Variants in KSR2 observed in about 807,000 individuals in gnomAD.
The protein encoded by KSR2 is kinase suppressor of ras 2.
A neutral mutation model predicts 107.8 loss-of-function variants in KSR2; 25 were observed. That is an observed-to-expected ratio of 0.23 (90% CI 0.17 to 0.32). The LOEUF (loss-of-function observed/expected upper bound fraction) is 0.32, where lower values mean the gene tolerates loss of function less well. Among genes scored for constraint, KSR2 ranks in the 10% least tolerant of loss-of-function variants. The pLI is 1.00. For synonymous variants in KSR2, 480 were observed against 507.0 expected (o/e 0.95, Z 0.71); for missense variants, 887 against 1,268.9 (o/e 0.70, Z 4.57).
In KSR2 at chr12:117,467,188, A is replaced by C. The variant is rs1410507724; in HGVS notation, c.*11T>G. 2 of 724,684 alleles carry C rather than the reference A, an allele frequency of 2.8e-6. No individual in the cohort carries two copies. Among genetic ancestry groups the C allele is most frequent in the African/African-American group, 3.6e-5 (2 of 55,630 alleles). The allele number at this position is 724,684 out of a possible 1,614,324, so 44.9% of individuals were successfully genotyped here. On this transcript the variant is annotated 3_prime_UTR_variant, in exon 20 of 20. Coordinates refer to ENST00000339824, the MANE Select transcript of KSR2 (RefSeq NM_173598.6). Reference sequence around the variant, plus strand: ...GCCCAGGCAGCTGGGCGCCGTCCCGATGTCCAAAGGTCACAGCCTGGAGTG... The same window carrying C: ...GCCCAGGCAGCTGGGCGCCGTCCCGCTGTCCAAAGGTCACAGCCTGGAGTG...
chr12:117,660,458 T>C (rs1461418372), intron 5 of KSR2, among the ~76,000 whole-genome samples: 2 of 152,186 alleles, frequency 1.3e-5, no homozygotes, highest in African/African-American at 4.8e-5. Context: ...CCAATCTCTG[T>C]CCCTATCTTT....
At chr12:117,926,460 G>A (rs1336382488) in intron 1 of KSR2, among the ~76,000 whole-genome samples, 2 of 152,236 alleles carry the variant, frequency 1.3e-5, no homozygotes, top group African/African-American at 4.8e-5. Flanking sequence ...TGCTCTGGAG[G>A]TGAATTGCAA....
chr12:117,897,089 C>T lies in KSR2; in HGVS notation c.181-36658G>A, dbSNP rs2137379226. 6.6e-6 allele frequency among the ~76,000 whole-genome samples: 1 copy of T among 152,260 alleles called. No homozygotes were observed. The highest frequency in any genetic ancestry group is 1.5e-5 in the Non-Finnish European group (1 of 68,026). Reference sequence around the variant, plus strand: ...TTCCTCTCTGCCCTGTTCCTCTTCGCCCAAGTCTACCGGGACTGATGTTCA... The same window carrying T: ...TTCCTCTCTGCCCTGTTCCTCTTCGTCCAAGTCTACCGGGACTGATGTTCA... On this transcript the variant is annotated intron_variant, in intron 1 of 19. Coordinates refer to ENST00000339824, the MANE Select transcript of KSR2 (RefSeq NM_173598.6). The surrounding 1 kb of genome is among the most constrained non-coding windows in gnomAD (Gnocchi z 4.5).
In KSR2 at chr12:117,843,347, C is replaced by T. The variant is rs115261550; in HGVS notation, c.472+12081G>A. On this transcript the variant is annotated intron_variant, in intron 3 of 19. Transcript: ENST00000339824. Reference sequence around the variant, plus strand: ...GGTTTCCCATTCTACTAAGAAGCTGCCAGCAATGGCTACAAGGGGCCTCAG... The same window carrying T: ...GGTTTCCCATTCTACTAAGAAGCTGTCAGCAATGGCTACAAGGGGCCTCAG... Among the ~76,000 whole-genome samples the T allele has an allele frequency of 4.0e-3, 612 of 152,280 alleles. 7 individuals are homozygous for T. The highest frequency in any genetic ancestry group is 0.014 in the African/African-American group (573 of 41,554).
intron 1 of KSR2, among the ~76,000 whole-genome samples, chr12:117,917,676 C>T (rs1010842513): frequency 2.6e-5 from 4 of 152,104 alleles, no homozygotes; most frequent in Non-Finnish European, 4.4e-5. Flanking sequence ...AAGTCCTGGC[C>T]TCAAACTGTC....
At chr12:117,531,747 G>A (rs1349176409) in intron 10 of KSR2, 40 bp from the exon 11 acceptor site, 2 of 1,538,760 alleles carry the variant, frequency 1.3e-6, no homozygotes, top group East Asian at 2.4e-5. Context: ...GTGTCCCCAG[G>A]GAGACATCGC....
chr12:117,614,899 G>A (rs1881790948), intron 5 of KSR2, among the ~76,000 whole-genome samples: 1 of 151,982 alleles, frequency 6.6e-6, no homozygotes, highest in African/African-American at 2.4e-5. Context: ...TTTTTGTCCT[G>A]ACATCTTTTT....
chr12:117,473,903 A>T (rs1022307969), intron 17 of KSR2, among the ~76,000 whole-genome samples: 1 of 152,206 alleles, frequency 6.6e-6, no homozygotes, highest in African/African-American at 2.4e-5. Flanking sequence ...TCACCTGTCA[A>T]TTGGGAGCAA....
chr12:117,902,956 C>G (rs1894733603), intron 1 of KSR2, among the ~76,000 whole-genome samples: 1 of 152,152 alleles, frequency 6.6e-6, no homozygotes, highest in African/African-American at 2.4e-5. Context: ...CTCTGAGTCT[C>G]TGAAACATAG....
At chr12:117,610,566 G>A (rs1042215870) in intron 5 of KSR2, among the ~76,000 whole-genome samples, 1 of 151,924 alleles carries the variant, frequency 6.6e-6, no homozygotes, top group East Asian at 1.9e-4. Context: ...TGGGCAACAT[G>A]GTGATATCTC....
At chr12:117,545,402 C>T (rs1323501857) in intron 9 of KSR2, among the ~76,000 whole-genome samples, 1 of 152,110 alleles carries the variant, frequency 6.6e-6, no homozygotes. Flanking sequence ...GTAGTATTCT[C>T]TGGTGACACC....
At chr12:117,920,070 C>A (rs1895294956) in intron 1 of KSR2, among the ~76,000 whole-genome samples, 1 of 152,152 alleles carries the variant, frequency 6.6e-6, no homozygotes, top group Admixed American at 6.5e-5. Flanking sequence ...AAGGAATAGG[C>A]TGGGCATGGT....
At chr12:117,965,452 T>C (rs1028464906) in intron 1 of KSR2, among the ~76,000 whole-genome samples, 1 of 152,210 alleles carries the variant, frequency 6.6e-6, no homozygotes, top group African/African-American at 2.4e-5. Flanking sequence ...ACTTAGACTT[T>C]ATCATTATTT....
At chr12:117,853,884 T>C (rs1187728134) in intron 3 of KSR2, among the ~76,000 whole-genome samples, 2 of 152,152 alleles carry the variant, frequency 1.3e-5, no homozygotes, top group African/African-American at 4.8e-5. Context: ...TCTGGGGATA[T>C]TTCCATGTGT....
intron 4 of KSR2, among the ~76,000 whole-genome samples, chr12:117,688,390 C>G (rs554178771): frequency 1.3e-5 from 2 of 152,262 alleles, no homozygotes; most frequent in African/African-American, 4.8e-5. Context: ...AAAAAAAAGT[C>G]TATAGCTCAA....
intron 10 of KSR2, 147 bp from the exon 11 acceptor site, chr12:117,531,854 G>C (rs957394617): frequency 9.5e-5 from 53 of 559,958 alleles, no homozygotes; most frequent in Non-Finnish European, 1.5e-4. Context: ...TGCAGACAAG[G>C]GACTGCAAAC....
At chr12:117,745,037 A>G (rs1888357170) in intron 4 of KSR2, among the ~76,000 whole-genome samples, 1 of 152,192 alleles carries the variant, frequency 6.6e-6, no homozygotes, top group African/African-American at 2.4e-5. Context: ...CATTATATAG[A>G]TGAGGAAACC....
intron 1 of KSR2, among the ~76,000 whole-genome samples, chr12:117,885,174 G>T (rs1253146440): frequency 6.6e-6 from 1 of 152,196 alleles, no homozygotes; most frequent in African/African-American, 2.4e-5. Flanking sequence ...CCCCTCTAGG[G>T]TTCCACAGCT....
intron 3 of KSR2, among the ~76,000 whole-genome samples, chr12:117,848,826 A>ATGGTGGTGG (rs746004022): frequency 3.1e-5 from 4 of 128,064 alleles, no homozygotes; most frequent in African/African-American, 1.3e-4. Flanking sequence ...GTGGGTGGTG[A>ATGGTGGTGG]TGGTGGTAGT....
Sources: gnomAD v4.1 joint callset for allele counts (sites outside exome capture counted in the v4.1 genomes callset) on GRCh38, gnomAD v4.1.1 for gene constraint, Gnocchi (gnomAD v3.1) non-coding constraint, MANE v1.5 for transcripts, NCBI Gene and HGNC (gene_info 2026-07-23, HGNC 2026-07-21) for gene names.